The following ELOVL6 variants were observed in gnomAD, a reference collection of about 807,000 sequenced individuals.
ELOVL6 encodes the protein ELOVL fatty acid elongase 6, also known as very long chain fatty acid elongase 6.
Under a neutral mutation model 31.7 loss-of-function variants are expected in ELOVL6, and 8 were observed. The observed-to-expected ratio is 0.25, with a 90% confidence interval of 0.15 to 0.45. The LOEUF (loss-of-function observed/expected upper bound fraction) is 0.45. ELOVL6 is among the 20% of genes least tolerant of loss of function. The pLI is 1.00. For missense variants in ELOVL6, 126 were observed against 326.4 expected, an observed-to-expected ratio of 0.39 and a Z score of 4.73; for synonymous variants, 101 against 117.7, an observed-to-expected ratio of 0.86 and a Z score of 0.92.
intron 3 of ELOVL6, among the ~76,000 whole-genome samples, chr4:110,053,430 C>CA (rs1348528372): frequency 6.6e-6 from 1 of 152,172 alleles, no homozygotes; most frequent in Non-Finnish European, 1.5e-5. Flanking sequence ...GGTGGTGCCC[C>CA]ATTCCATGCA....
At chr4:110,100,714 T>A (rs1180549475) in intron 2 of ELOVL6, among the ~76,000 whole-genome samples, 1 of 152,248 alleles carries the variant, frequency 6.6e-6, no homozygotes, top group Non-Finnish European at 1.5e-5. Context: ...AAAATTTACT[T>A]CTTCTGAAAT....
chr4:110,117,903 A>AAAAAAAAAAAAAATT, intron 1 of ELOVL6: 13 of 6,506 alleles, frequency 2.0e-3, no homozygotes, highest in African/African-American at 4.2e-3. Context: ...AAAAAAAAAA[A>AAAAAAAAAAAAAATT]ATATATATAT....
rs1323906115 is a variant in ELOVL6 at position 110,048,165 on chromosome 4, A to G, written c.*3173T>C. On this transcript the variant is annotated 3_prime_UTR_variant, in exon 4 of 4. Coordinates refer to ENST00000302274, the MANE Select transcript of ELOVL6 (RefSeq NM_024090.3). ...TACTTTTGTAGTGGAGCATAATTAG[A>G]AGGATGGGAGTAAGTGACTTCGAAT... 2 of 152,136 alleles carry G rather than the reference A, an allele frequency of 1.3e-5. No homozygotes were observed. Among genetic ancestry groups the G allele is most frequent in the East Asian group, 3.9e-4 (2 of 5,192 alleles). 9.4% of individuals were successfully genotyped at this position (152,136 alleles called of 1,614,324 possible). A position where few individuals can be genotyped will look rare whatever the true frequency, so the allele number is the denominator to read the frequency against.
chr4:110,131,309 C>A (rs1179522952), intron 1 of ELOVL6, among the ~76,000 whole-genome samples: 1 of 152,086 alleles, frequency 6.6e-6, no homozygotes, highest in Non-Finnish European at 1.5e-5. Context: ...CTGAACTATT[C>A]AAATTATCTG....
At chr4:110,077,745 C>A (rs1357655065) in intron 2 of ELOVL6, among the ~76,000 whole-genome samples, 2 of 150,684 alleles carry the variant, frequency 1.3e-5, no homozygotes, top group African/African-American at 4.9e-5. Context: ...CGGACAATGA[C>A]TTTGACGAGT....
At chr4:110,191,229 T>A (rs951183878) in intron 1 of ELOVL6, among the ~76,000 whole-genome samples, 1 of 152,168 alleles carries the variant, frequency 6.6e-6, no homozygotes, top group Non-Finnish European at 1.5e-5. Flanking sequence ...CCTCAATAAC[T>A]ATGCCAACAT....
rs986597649 is a variant in ELOVL6, at chr4:110,081,788, C to T, written c.222-22034G>A. Among the ~76,000 whole-genome samples, 90 of 148,696 alleles carry T rather than the reference C, an allele frequency of 6.1e-4. 1 individual carries two copies. The highest frequency in any genetic ancestry group is 1.3e-3 in the Non-Finnish European group (85 of 66,602). On this transcript the variant is annotated intron_variant, in intron 2 of 3. Transcript: ENST00000302274. ...AGCTTCTGCACAGCAAAAGAAACTA[C>T]CATCAGAGTGAACAGGCAACCTACA... is the stretch of plus-strand genomic sequence containing the variant.
intron 2 of ELOVL6, among the ~76,000 whole-genome samples, chr4:110,084,164 G>GTGATGATATATATAACATATATA (rs1208472962): frequency 2.2e-5 from 1 of 45,602 alleles, no homozygotes; most frequent in Admixed American, 3.1e-4. Flanking sequence ...TAACATATAT[G>GTGATGATATATATAACATATATA]TGATATATAT....
chr4:110,084,413 A>ATAT (rs1491586912), intron 2 of ELOVL6, among the ~76,000 whole-genome samples: 3,432 of 88,088 alleles, frequency 0.039, 278 homozygotes, highest in African/African-American at 0.055. Flanking sequence ...TATATGACAT[A>ATAT]CATGATATAT....
chr4:110,084,439 T>TCA (rs1353335759), intron 2 of ELOVL6, among the ~76,000 whole-genome samples: 2 of 92,410 alleles, frequency 2.2e-5, no homozygotes, highest in Admixed American at 1.1e-4. Context: ...ATATCATATA[T>TCA]GATATATCGC....
Position 110,140,113 on chromosome 4 carries a change from A to C in ELOVL6, c.90-34485T>G, listed in dbSNP as rs527658044. On this transcript the variant is annotated intron_variant, in intron 1 of 3. Transcript: ENST00000302274. Reference sequence around the variant, plus strand: ...TTTACAGTCCTTTACTGCCCATGCCACTTTGGAGATAGGCAGGGCTAGTAC... The same window carrying C: ...TTTACAGTCCTTTACTGCCCATGCCCCTTTGGAGATAGGCAGGGCTAGTAC... Among the ~76,000 whole-genome samples the C allele has an allele frequency of 3.9e-5, 6 of 152,264 alleles. No homozygotes were observed. In the South Asian group the frequency reaches 1.2e-3, roughly 32 times the overall value.
At chr4:110,066,020 A>C (rs903078543) in intron 2 of ELOVL6, among the ~76,000 whole-genome samples, 19 of 152,302 alleles carry the variant, frequency 1.2e-4, no homozygotes, top group Non-Finnish European at 2.6e-4. Context: ...CCAAAGGTAC[A>C]ATTACTTTCC....
At chr4:110,115,943 T>C (rs1757157514) in intron 1 of ELOVL6, among the ~76,000 whole-genome samples, 1 of 152,194 alleles carries the variant, frequency 6.6e-6, no homozygotes. Flanking sequence ...GGCTGCCTCC[T>C]TCTCCATCTT....
intron 2 of ELOVL6, among the ~76,000 whole-genome samples, chr4:110,081,533 T>C (rs951150480): frequency 1.3e-5 from 2 of 152,026 alleles, no homozygotes; most frequent in Admixed American, 1.3e-4. Flanking sequence ...GAAAACTGGC[T>C]AGTCATATGT....
At chr4:110,079,297 GCACCA>G (rs1027272643) in intron 2 of ELOVL6, among the ~76,000 whole-genome samples, 14 of 152,148 alleles carry the variant, frequency 9.2e-5, no homozygotes, top group Non-Finnish European at 1.9e-4. Flanking sequence ...ATTCTTTTCA[GCACCA>G]CACCACACCC....
At chr4:110,140,577 T>G (rs1191075558) in intron 1 of ELOVL6, among the ~76,000 whole-genome samples, 1 of 151,918 alleles carries the variant, frequency 6.6e-6, no homozygotes, top group Non-Finnish European at 1.5e-5. Flanking sequence ...TTTAAAATGG[T>G]TTTCTGCCTT....
intron 2 of ELOVL6, among the ~76,000 whole-genome samples, chr4:110,098,972 C>T (rs990898104): frequency 1.2e-4 from 19 of 152,064 alleles, no homozygotes; most frequent in Admixed American, 1.1e-3. Flanking sequence ...ACACTTATGA[C>T]GGTCTTATGT....
intron 1 of ELOVL6, among the ~76,000 whole-genome samples, chr4:110,190,191 C>T (rs1228709102): frequency 6.6e-6 from 1 of 151,874 alleles, no homozygotes; most frequent in African/African-American, 2.4e-5. Flanking sequence ...ATCAGCATGT[C>T]TAATTTATCT....
In ELOVL6 at chr4:110,083,935, G is replaced by C. The variant is rs556956060; in HGVS notation, c.221+21562C>G. 1.6e-3 allele frequency among the ~76,000 whole-genome samples: 10 copies of C among 6,264 alleles called. 1 individual carries two copies. Among genetic ancestry groups the C allele is most frequent in the Non-Finnish European group, 2.4e-3 (6 of 2,526 alleles). 4.1% of individuals were successfully genotyped at this position (6,264 alleles called of 152,430 possible). ...TAGAGAGAGAGATAATATATATAGA[G>C]ATATATATAACATGTTATATATGAT... On this transcript the variant is annotated intron_variant, in intron 2 of 3. Transcript: ENST00000302274.
Sources: gnomAD v4.1 joint callset for allele counts (sites outside exome capture counted in the v4.1 genomes callset) on GRCh38, gnomAD v4.1.1 for gene constraint, MANE v1.5 for transcripts, NCBI Gene and HGNC (gene_info 2026-07-23, HGNC 2026-07-21) for gene names.